Variants in TSPAN33 observed in about 807,000 individuals in gnomAD.
The protein encoded by TSPAN33 is tetraspanin 33, also known as tetraspanin-33.
Under a neutral mutation model 34.8 loss-of-function variants are expected in TSPAN33, and 27 were observed. The ratio of observed to expected loss-of-function variants is 0.78; its 90% CI spans 0.57 to 1.07. TSPAN33 has a LOEUF of 1.07. Ranked by LOEUF, TSPAN33 falls within the 50% of genes least tolerant of loss-of-function variation. TSPAN33 has a pLI of 0.00. For synonymous variants in TSPAN33, 119 were observed against 124.2 expected (o/e 0.96, Z 0.28); for missense variants, 272 against 324.9 (o/e 0.84, Z 1.25).
Position 129,166,844 on chromosome 7 carries a change from G to C in TSPAN33, c.526G>C (p.Asp176His). The change falls in exon 6 of 8, where the codon GAC (aspartate) becomes CAC (histidine). Residue 176 changes from aspartate to histidine, a missense_variant. Asp to His is a moderately conservative substitution (Grantham distance 81). Coordinates refer to ENST00000486685, the MANE Select transcript of TSPAN33 (RefSeq NM_178562.5). ...GAACATGTATTTCAACTGCTCAGAA[G>C]ACAACCCCAGTCGAGAGCGCTGCTC... is the stretch of plus-strand genomic sequence containing the variant. ...SQNMYFNCSEDNPSRERCSVP... is the reference protein window; with the variant it reads ...SQNMYFNCSEHNPSRERCSVP... 1 of 1,614,186 alleles carries C rather than the reference G, an allele frequency of 6.2e-7. No homozygotes were observed. The highest frequency in any genetic ancestry group is 8.5e-7 in the Non-Finnish European group (1 of 1,180,036).
Position 129,167,446 on chromosome 7 carries a change from C to G in TSPAN33, c.636C>G (p.Tyr212Ter). Residue 212 changes from tyrosine (Y) to a stop codon, truncating the protein, a stop_gained, in exon 7 of 8, where the codon TAC becomes TAG. Coordinates refer to ENST00000486685, the MANE Select transcript of TSPAN33 (RefSeq NM_178562.5). LOFTEE classifies it high-confidence loss of function. The surrounding 1 kb of genome is among the most constrained non-coding windows in gnomAD (Gnocchi z 4.6). Reference sequence around the variant, plus strand: ...GCCAAGGTATGCAGGCCTTTGACTACTTGGAAGCTAGCAAAGTCATCTACA... The same window carrying G: ...GCCAAGGTATGCAGGCCTTTGACTAGTTGGAAGCTAGCAAAGTCATCTACA... The part of the protein sequence containing the change: ...MCGQGMQAFD[Y>*]LEASKVIYTN... The G allele has an allele frequency of 1.2e-6, 2 of 1,613,788 alleles. No individual in the cohort carries two copies. Among genetic ancestry groups the G allele is most frequent in the Non-Finnish European group, 1.7e-6 (2 of 1,179,918 alleles).
chr7:129,154,677 G>T (rs1352424254), intron 1 of TSPAN33, among the ~76,000 whole-genome samples: 1 of 152,148 alleles, frequency 6.6e-6, no homozygotes, highest in African/African-American at 2.4e-5. Flanking sequence ...GAAGGTGGAG[G>T]TTGCAGTAAG....
intron 3 of TSPAN33, 121 bp downstream of exon 3, chr7:129,162,642 C>T: frequency 6.6e-7 from 1 of 1,512,382 alleles, no homozygotes; most frequent in East Asian, 2.3e-5. Context: ...GTCCACCCCT[C>T]AGTGCAGAGC....
rs748562751 is a variant in TSPAN33 at position 129,144,953 on chromosome 7, C to T, written c.-28C>T. 1 of 574,366 alleles carries T rather than the reference C, an allele frequency of 1.7e-6. No individual in the cohort carries two copies. Among genetic ancestry groups the T allele is most frequent in the South Asian group, 1.9e-5 (1 of 51,888 alleles). The allele number at this position is 574,366 out of a possible 1,614,324, so 35.6% of individuals were successfully genotyped here. On this transcript the variant is annotated 5_prime_UTR_variant, in exon 1 of 8. Transcript: ENST00000486685. The stretch of plus-strand genomic sequence containing the variant: ...GGCCGGCAGCCGCTGGGAAATAGGC[C>T]CCCGGGGGCGGTGGCGGCGGCGGGG...
rs1334806699 is a variant in TSPAN33, at chr7:129,161,677, A to G, written c.103-2A>G. The G allele has an allele frequency of 4.3e-6, 7 of 1,614,086 alleles. No individual in the cohort carries two copies. Among genetic ancestry groups the G allele is most frequent in the Non-Finnish European group, 5.9e-6 (7 of 1,179,972 alleles). On this transcript the variant is annotated splice_acceptor_variant, in intron 1 of 7. Transcript: ENST00000486685. LOFTEE classifies it high-confidence loss of function. ...GGTCTGGCTCTTTTCCTGTCTCCACAGGTGATTTCCATGGTGATGGTGGCT... is the reference window on the plus strand; with the variant it reads ...GGTCTGGCTCTTTTCCTGTCTCCACGGGTGATTTCCATGGTGATGGTGGCT...
Position 129,145,027 on chromosome 7 carries a change from C to T in TSPAN33, c.47C>T (p.Ser16Phe), listed in dbSNP as rs756227021. The T allele has an allele frequency of 1.4e-6, 1 of 723,902 alleles. No individual in the cohort carries two copies. The highest frequency in any genetic ancestry group is 1.5e-5 in the South Asian group (1 of 68,308). 44.8% of individuals were successfully genotyped at this position (723,902 alleles called of 1,614,324 possible). The change falls in exon 1 of 8, where the codon TCC becomes TTC. Residue 16 changes from serine to phenylalanine, a missense_variant. Transcript: ENST00000486685. Reference protein sequence around the residue: ...RAPAASGEEFSFVSPLVKYLL... With the variant: ...RAPAASGEEFFFVSPLVKYLL... The stretch of plus-strand genomic sequence containing the variant: ...CCGGCCGCCTCCGGGGAGGAGTTCT[C>T]CTTCGTCAGCCCGCTGGTGAAATAC...
intron 1 of TSPAN33, among the ~76,000 whole-genome samples, chr7:129,151,216 G>T (rs1810589130): frequency 6.6e-6 from 1 of 152,084 alleles, no homozygotes; most frequent in African/African-American, 2.4e-5. Context: ...AGCCTCGACT[G>T]CTTGGGTTCA....
At chr7:129,162,339 C>T in intron 2 of TSPAN33, 55 bp from the exon 3 acceptor site, 1 of 1,601,312 alleles carries the variant, frequency 6.2e-7, no homozygotes, top group East Asian at 2.2e-5. Flanking sequence ...CCCACCCCAT[C>T]CAGGGGTTCC....
chr7:129,160,612 C>T (rs1046392814), intron 1 of TSPAN33, among the ~76,000 whole-genome samples: 2 of 152,216 alleles, frequency 1.3e-5, no homozygotes, highest in Admixed American at 1.3e-4. Context: ...CCTCTCTATT[C>T]CTCCACACTG....
chr7:129,162,325 C>A (rs554484650), intron 2 of TSPAN33, 69 bp from the exon 3 acceptor site: 1 of 1,591,370 alleles, frequency 6.3e-7, no homozygotes, highest in East Asian at 2.2e-5. Context: ...GTTTGGGGCA[C>A]CCTCCCACCC....
At chr7:129,159,379 T>C (rs1793017060) in intron 1 of TSPAN33, among the ~76,000 whole-genome samples, 1 of 152,220 alleles carries the variant, frequency 6.6e-6, no homozygotes, top group African/African-American at 2.4e-5. Flanking sequence ...CTTTTTCCCG[T>C]ACTGTTGGTG....
intron 1 of TSPAN33, among the ~76,000 whole-genome samples, chr7:129,146,579 G>A (rs149483587): frequency 1.3e-5 from 2 of 152,166 alleles, no homozygotes; most frequent in Non-Finnish European, 2.9e-5. Context: ...TATAGCTGGG[G>A]TATGGGCAGT....
At chr7:129,166,170 C>T (rs1279045189) in intron 5 of TSPAN33, among the ~76,000 whole-genome samples, 2 of 152,012 alleles carry the variant, frequency 1.3e-5, no homozygotes, top group African/African-American at 2.4e-5. Flanking sequence ...GAACTCCTGA[C>T]CTCAGGTGAT....
intron 3 of TSPAN33, 62 bp downstream of exon 3, chr7:129,162,583 C>CCCACGG: frequency 6.3e-7 from 1 of 1,598,798 alleles, no homozygotes; most frequent in Non-Finnish European, 8.5e-7. Flanking sequence ...CTCTTAGCCT[C>CCCACGG]CCACGGCCCT....
In TSPAN33 at chr7:129,166,000, G is replaced by A. The variant is rs189157458; in HGVS notation, c.460-778G>A. Among the ~76,000 whole-genome samples the A allele has an allele frequency of 6.6e-6, 1 of 151,356 alleles. No individual in the cohort carries two copies. The highest frequency in any genetic ancestry group is 1.5e-5 in the Non-Finnish European group (1 of 67,832). ...TACCCAGGCTGGAGTACAATGGCGT[G>A]ATCTTGGCCCACTGCAACATCCGCC... On this transcript the variant is annotated intron_variant, in intron 5 of 7. Transcript: ENST00000486685. This position sits in a 1 kb window ranked among gnomAD's most constrained non-coding sequence, Gnocchi z 4.5.
intron 1 of TSPAN33, among the ~76,000 whole-genome samples, chr7:129,154,596 C>T (rs1810642983): frequency 6.6e-6 from 1 of 151,968 alleles, no homozygotes; most frequent in African/African-American, 2.4e-5. Context: ...ACAAAATTAG[C>T]CGGGTGTGGT....
chr7:129,155,147 C>T lies in TSPAN33; in HGVS notation c.103-6532C>T, dbSNP rs59559475. On this transcript the variant is annotated intron_variant, in intron 1 of 7. Transcript: ENST00000486685. ...GAGGTCATTATGTTAAGTGAATAAG[C>T]TGAGCACAGAAAGACAAATATTGCA... Among the ~76,000 whole-genome samples, 4,597 of 152,238 alleles carry T rather than the reference C, an allele frequency of 0.03. 405 individuals are homozygous for T. In the East Asian group the frequency reaches 0.36, roughly 12 times the overall value.
chr7:129,154,852 G>A (rs1039434657), intron 1 of TSPAN33, among the ~76,000 whole-genome samples: 3 of 152,142 alleles, frequency 2.0e-5, no homozygotes, highest in Non-Finnish European at 4.4e-5. Flanking sequence ...AGAGATGGAC[G>A]TTTCTCAAAA....
chr7:129,145,365 T>C (rs1200030182), intron 1 of TSPAN33, among the ~76,000 whole-genome samples: 1 of 151,986 alleles, frequency 6.6e-6, no homozygotes, highest in Non-Finnish European at 1.5e-5. Context: ...GGGAGCCTGT[T>C]GGCCCAAGGC....
Sources: allele counts gnomAD v4.1 joint callset (sites outside exome capture counted in the v4.1 genomes callset), GRCh38; gene constraint gnomAD v4.1.1; non-coding constraint Gnocchi (gnomAD v3.1); transcripts MANE v1.5; gene names NCBI Gene and HGNC (gene_info 2026-07-23, HGNC 2026-07-21).